The following ANGEL1 variants were observed in gnomAD, a reference collection of about 807,000 sequenced individuals.
ANGEL1 encodes the protein angel homolog 1, also known as RNA 2',3'-cyclic phosphatase ANGEL1.
ANGEL1 carries 62 observed loss-of-function variants against 76.4 expected under a neutral mutation model. The ratio of observed to expected loss-of-function variants is 0.81; its 90% confidence interval spans 0.66 to 1.00. The LOEUF (loss-of-function observed/expected upper bound fraction) is 1.00. Among genes scored for constraint, ANGEL1 ranks in the 50% least tolerant of loss-of-function variants. ANGEL1 has a pLI of 0.00. For missense variants in ANGEL1, 737 were observed against 836.7 expected, an observed-to-expected ratio of 0.88 and a Z score of 1.47; for synonymous variants, 340 against 331.7, an observed-to-expected ratio of 1.03 and a Z score of -0.27.
chr14:76,806,700 A>G lies in ANGEL1; in HGVS notation c.1096T>C (p.Leu366=). The G allele has an allele frequency of 1.2e-6, 2 of 1,613,852 alleles. No homozygotes were observed. Among genetic ancestry groups the G allele is most frequent in the Non-Finnish European group, 1.7e-6 (2 of 1,180,012 alleles). The change falls in exon 5 of 10, where the codon TTA becomes CTA. Residue 366 remains leucine, a synonymous_variant. Coordinates refer to ENST00000251089, the MANE Select transcript of ANGEL1 (RefSeq NM_015305.4). Reference sequence around the variant, plus strand: ...ACGAGTGGTTGCAGTAGCAACACTAAGCCCACATTATCCCGATTAAGTAGC... The same window carrying G: ...ACGAGTGGTTGCAGTAGCAACACTAGGCCCACATTATCCCGATTAAGTAGC... ...LELLNRDNVG[L]VLLLQPLVPE...
At chr14:76,810,821 T>A (rs2140232853) in intron 1 of ANGEL1, among the ~76,000 whole-genome samples, 1 of 152,228 alleles carries the variant, frequency 6.6e-6, no homozygotes, top group East Asian at 1.9e-4. Context: ...GCCCCCAAAC[T>A]CTGAGCACAG....
chr14:76,794,671 A>G (rs78545897), intron 7 of ANGEL1, among the ~76,000 whole-genome samples: 1 of 120,138 alleles, frequency 8.3e-6, no homozygotes, highest in African/African-American at 3.0e-5. Flanking sequence ...ACTCCATCTC[A>G]AAAAAAAAAA....
Position 76,812,572 on chromosome 14 carries a change from G to C in ANGEL1, c.64+192C>G, listed in dbSNP as rs901679836. ...GAGGGGCCGCCCACGAGGGACGTCGGCCAGGTCCAGGCCTCGTGGGGTCAG... is the reference window on the plus strand; with the variant it reads ...GAGGGGCCGCCCACGAGGGACGTCGCCCAGGTCCAGGCCTCGTGGGGTCAG... On this transcript the variant is annotated intron_variant, in intron 1 of 9. Transcript: ENST00000251089. 4 of 1,250,172 alleles carry C rather than the reference G, an allele frequency of 3.2e-6. No homozygotes were observed. The African/African-American group carries it at 6.2e-5, about 19-fold the overall frequency. The allele number at this position is 1,250,172 out of a possible 1,614,324, so 77.4% of individuals were successfully genotyped here.
rs142908954 is a variant in ANGEL1, at chr14:76,803,464, G to A, written c.1525C>T (p.Arg509Ter). ...AAGCGGAAACGTAGCAGGAAGTCTC[G>A]GCCATACTTGCGTCTCTCTGTAAAC... ...PKRSERRKYGRDFLLRFRFCS... is the reference protein window; with the variant it reads ...PKRSERRKYG The change falls in exon 7 of 10, where the codon CGA becomes TGA. Residue 509 changes from arginine to a stop codon, truncating the protein, a stop_gained. Coordinates refer to ENST00000251089, the MANE Select transcript of ANGEL1 (RefSeq NM_015305.4). LOFTEE classifies it high-confidence loss of function. 36 of 1,614,000 alleles carry A rather than the reference G, an allele frequency of 2.2e-5. No homozygotes were observed. Among genetic ancestry groups the A allele is most frequent in the Admixed American group, 3.3e-5 (2 of 60,002 alleles).
At chr14:76,797,365 C>A (rs771450141) in intron 7 of ANGEL1, among the ~76,000 whole-genome samples, 2 of 152,100 alleles carry the variant, frequency 1.3e-5, no homozygotes, top group African/African-American at 4.8e-5. Context: ...TTTGGGAGGC[C>A]GAAGCCGGGG....
At position 76,812,838 on chromosome 14, in the gene ANGEL1, C is replaced by T; in HGVS notation, c.-11G>A. 1.3e-6 allele frequency: 2 copies of T among 1,507,492 alleles called. No individual in the cohort carries two copies. Among genetic ancestry groups the T allele is most frequent in the South Asian group, 2.5e-5 (2 of 80,654 alleles). 93.4% of individuals were successfully genotyped at this position (1,507,492 alleles called of 1,614,324 possible). ...GCACGACGCGATCATGGCCGGCCGC[C>T]CGCGCCCGCCTCCGCTCCTCACTGC... On this transcript the variant is annotated 5_prime_UTR_variant, in exon 1 of 10. Transcript: ENST00000251089.
At chr14:76,807,630 G>C in intron 3 of ANGEL1, 128 bp from the exon 4 acceptor site, 2 of 854,400 alleles carry the variant, frequency 2.3e-6, no homozygotes, top group Non-Finnish European at 3.8e-6. Flanking sequence ...GTCACCAACA[G>C]CAAGAACAGG....
Position 76,809,325 on chromosome 14 carries a change from G to T in ANGEL1, c.383C>A (p.Pro128His), listed in dbSNP as rs762806144. 10 of 1,614,120 alleles carry T rather than the reference G, an allele frequency of 6.2e-6. No homozygotes were observed. Among genetic ancestry groups the T allele is most frequent in the African/African-American group, 1.3e-5 (1 of 74,954 alleles). Residue 128 changes from proline (P) to histidine (H), a missense_variant, in exon 2 of 10, where the codon CCT becomes CAT. By Grantham distance (77) the Pro-to-His change is moderately conservative. Transcript: ENST00000251089. The part of the protein sequence containing the change: ...RAAENLDEPF[P>H]EMLGEEPLLE... The stretch of plus-strand genomic sequence containing the variant: ...CAGTGGCTCCTCTCCTAGCATCTCA[G>T]GGAAAGGCTCATCCAGGTTCTCTGC...
At chr14:76,800,511 T>G (rs1311591357) in intron 7 of ANGEL1, among the ~76,000 whole-genome samples, 1 of 152,250 alleles carries the variant, frequency 6.6e-6, no homozygotes, top group Non-Finnish European at 1.5e-5. Flanking sequence ...AAATTCAGTG[T>G]TCATCAGCAG....
rs1418815798 is a variant in ANGEL1 at position 76,788,998 on chromosome 14, CTGAG to C, written c.*226_*229del. On this transcript the variant is annotated 3_prime_UTR_variant, in exon 10 of 10. Coordinates refer to ENST00000251089, the MANE Select transcript of ANGEL1 (RefSeq NM_015305.4). ...CCCCCTTCTGCCTCTCCCAGGGCCA[CTGAG>C]TGTGTGGCACAGGATTAGGAAGAGG... The C allele has an allele frequency of 1.6e-5, 8 of 513,568 alleles. No individual in the cohort carries two copies. Among genetic ancestry groups the C allele is most frequent in the Admixed American group, 6.9e-5 (2 of 29,002 alleles). The allele number at this position is 513,568 out of a possible 1,614,324, so 31.8% of individuals were successfully genotyped here. A position where few individuals can be genotyped will look rare whatever the true frequency, so the allele number is the denominator to read the frequency against.
intron 7 of ANGEL1, among the ~76,000 whole-genome samples, chr14:76,791,621 A>T (rs544353853): frequency 1.3e-4 from 19 of 151,322 alleles, no homozygotes; most frequent in East Asian, 3.9e-4. Context: ...TAATTTGATT[A>T]AAAAAAAATA....
At chr14:76,807,717 G>A (rs935028836) in intron 3 of ANGEL1, among the ~76,000 whole-genome samples, 3 of 152,186 alleles carry the variant, frequency 2.0e-5, no homozygotes, top group African/African-American at 7.2e-5. Context: ...CTCCCTTCCT[G>A]CATAAAGGTG....
intron 7 of ANGEL1, among the ~76,000 whole-genome samples, chr14:76,798,275 C>G (rs907185757): frequency 6.6e-6 from 1 of 152,120 alleles, no homozygotes; most frequent in Non-Finnish European, 1.5e-5. Context: ...CAGTCGCATG[C>G]CACCACGCCC....
Position 76,806,177 on chromosome 14 carries a change from G to A in ANGEL1, c.1380+239C>T, listed in dbSNP as rs567248746. On this transcript the variant is annotated intron_variant, in intron 5 of 9. Transcript: ENST00000251089. Reference sequence around the variant, plus strand: ...TAAGTTCCTTCAAGTATGTACTTACGTATTACTTGTGAATTAAAAATATTA... The same window carrying A: ...TAAGTTCCTTCAAGTATGTACTTACATATTACTTGTGAATTAAAAATATTA... 4.6e-5 allele frequency among the ~76,000 whole-genome samples: 7 copies of A among 152,220 alleles called. No homozygotes were observed. In the South Asian group the frequency reaches 8.3e-4, roughly 18 times the overall value.
intron 7 of ANGEL1, among the ~76,000 whole-genome samples, chr14:76,793,502 A>AT (rs1180898845): frequency 1.3e-5 from 2 of 149,182 alleles, no homozygotes; most frequent in Admixed American, 1.3e-4. Flanking sequence ...GGAGGAAAAA[A>AT]GGAAAGGAAA....
Position 76,790,627 on chromosome 14 carries a change from C to G in ANGEL1, c.1836G>C (p.Glu612Asp), listed in dbSNP as rs552850606. ...DYIFFSAESC[E>D]NGNRTDHRLY... ...CAGGCTTACCAGTTCTGTTCCCATTCTCACAGGACTCAGCTGAGAAGAAGA... is the reference window on the plus strand; with the variant it reads ...CAGGCTTACCAGTTCTGTTCCCATTGTCACAGGACTCAGCTGAGAAGAAGA... The change falls in exon 9 of 10, where the codon GAG becomes GAC. Residue 612 changes from glutamate to aspartate, a missense_variant. By Grantham distance (45) the Glu-to-Asp change is conservative (BLOSUM62 2). This residue lies in a region of ANGEL1 where 296 missense variants were observed against 387.2 expected (regional missense o/e 0.76). Transcript: ENST00000251089. The G allele has an allele frequency of 3.1e-6, 5 of 1,613,536 alleles. No homozygotes were observed. The South Asian group carries it at 5.5e-5, about 18-fold the overall frequency.
In ANGEL1 at chr14:76,803,928, A is replaced by T. The variant is rs759214254; in HGVS notation, c.1381-16T>A. On this transcript the variant is annotated splice_polypyrimidine_tract_variant and intron_variant, in intron 5 of 9. Transcript: ENST00000251089. ...GTCCAGATACCTGGGTGGAAAAAGA[A>T]GGGTGGGAATAAGGAAACCAAGATA... 6.2e-6 allele frequency: 10 copies of T among 1,614,220 alleles called. No homozygotes were observed. Among genetic ancestry groups the T allele is most frequent in the Non-Finnish European group, 8.5e-6 (10 of 1,180,036 alleles).
At chr14:76,800,368 A>G (rs973898029) in intron 7 of ANGEL1, among the ~76,000 whole-genome samples, 1 of 152,216 alleles carries the variant, frequency 6.6e-6, no homozygotes, top group African/African-American at 2.4e-5. Flanking sequence ...GGTGGCCATC[A>G]TTGTTATCAC....
In ANGEL1 at chr14:76,791,309, G is replaced by A; in HGVS notation, c.1676C>T (p.Pro559Leu). The change falls in exon 8 of 10, where the codon CCT (proline) becomes CTT (leucine). Residue 559 changes from proline (P) to leucine (L), a missense_variant. By Grantham distance (98) the Pro-to-Leu change is moderately conservative. Coordinates refer to ENST00000251089, the MANE Select transcript of ANGEL1 (RefSeq NM_015305.4). The stretch of plus-strand genomic sequence containing the variant: ...TGGAGAAGGTTACCTGGAGAAGGCA[G>A]GCTCAAGCTCCGATGCATCTTCCTC... ...VLEEDASELE[P>L]AFSRTVGTIQ... The A allele has an allele frequency of 6.2e-7, 1 of 1,614,106 alleles. No homozygotes were observed. The highest frequency in any genetic ancestry group is 1.3e-5 in the African/African-American group (1 of 75,040).
Sources: gnomAD v4.1 joint callset for allele counts (sites outside exome capture counted in the v4.1 genomes callset) on GRCh38, gnomAD v4.1.1 for gene constraint, gnomAD v4.1.1 regional missense constraint, MANE v1.5 for transcripts, NCBI Gene and HGNC (gene_info 2026-07-23, HGNC 2026-07-21) for gene names.